The following FARP1 variants were observed in gnomAD, a reference collection of about 807,000 sequenced individuals.
FARP1 encodes FERM, ARH/RhoGEF and pleckstrin domain protein 1.
A neutral mutation model predicts 128.8 loss-of-function variants in FARP1; 52 were observed. That is an observed-to-expected ratio of 0.40 (90% CI 0.32 to 0.51). The LOEUF is 0.51. Among genes scored for constraint, FARP1 ranks in the 20% least tolerant of loss-of-function variants. The pLI is 0.45. For synonymous variants in FARP1, 580 were observed against 551.8 expected (o/e 1.05, Z -0.72); for missense variants, 1,333 against 1,367.9 (o/e 0.97, Z 0.40).
chr13:98,414,040 C>T (rs951904826), intron 16 of FARP1, among the ~76,000 whole-genome samples: 1 of 152,290 alleles, frequency 6.6e-6, no homozygotes, highest in African/African-American at 2.4e-5. Context: ...TGGAGGGCGC[C>T]ACCAGAGAGA....
chr13:98,363,402 A>G (rs1288939878), intron 3 of FARP1, among the ~76,000 whole-genome samples: 2 of 152,176 alleles, frequency 1.3e-5, no homozygotes, highest in African/African-American at 4.8e-5. Context: ...GTGTTTTGAC[A>G]TCTTAAAAGA....
At chr13:98,305,228 A>T (rs1316855518) in intron 2 of FARP1, among the ~76,000 whole-genome samples, 3 of 151,910 alleles carry the variant, frequency 2.0e-5, no homozygotes, top group African/African-American at 7.2e-5. Context: ...AGAGGATGTG[A>T]TCCTAGTACT....
chr13:98,188,738 C>T (rs923214301), intron 1 of FARP1, among the ~76,000 whole-genome samples: 52 of 152,208 alleles, frequency 3.4e-4, no homozygotes, highest in African/African-American at 1.2e-3. Flanking sequence ...GTGTCCACAC[C>T]CCCTGCACTC....
intron 2 of FARP1, among the ~76,000 whole-genome samples, chr13:98,313,021 A>C (rs1282183304): frequency 1.3e-5 from 2 of 152,118 alleles, no homozygotes; most frequent in Non-Finnish European, 2.9e-5. Context: ...AGCCCTGTGA[A>C]TGTGACTTAA....
At chr13:98,319,146 G>T (rs574714035) in intron 2 of FARP1, among the ~76,000 whole-genome samples, 44 of 151,670 alleles carry the variant, frequency 2.9e-4, no homozygotes, top group African/African-American at 9.9e-4. Context: ...TTTATTTTTT[G>T]TAGAGATGGG....
intron 16 of FARP1, among the ~76,000 whole-genome samples, chr13:98,423,669 G>T (rs1418242386): frequency 2.6e-5 from 4 of 152,194 alleles, no homozygotes; most frequent in Non-Finnish European, 5.9e-5. Context: ...TATCAGAGAA[G>T]TTCGTGGTTT....
At chr13:98,208,011 C>T (rs1006147046) in intron 1 of FARP1, among the ~76,000 whole-genome samples, 4 of 145,868 alleles carry the variant, frequency 2.7e-5, no homozygotes, top group African/African-American at 5.1e-5. Context: ...TCTTCCACTT[C>T]GGTGAAGGGC....
intron 2 of FARP1, chr13:98,234,520 A>G (rs1485181476): frequency 6.6e-6 from 1 of 152,224 alleles, no homozygotes; most frequent in Non-Finnish European, 1.5e-5. Flanking sequence ...AACACCTGGA[A>G]AAAATTTCCA....
At chr13:98,288,476 G>T (rs1885299397) in intron 2 of FARP1, among the ~76,000 whole-genome samples, 1 of 152,138 alleles carries the variant, frequency 6.6e-6, no homozygotes, top group Non-Finnish European at 1.5e-5. Context: ...TACTTCCTTG[G>T]AGTCTTTCCT....
intron 2 of FARP1, among the ~76,000 whole-genome samples, chr13:98,226,023 C>T (rs1264692962): frequency 1.3e-5 from 2 of 152,118 alleles, no homozygotes; most frequent in Non-Finnish European, 2.9e-5. Flanking sequence ...CAGGCTAATC[C>T]ATTCCTTAAT....
At chr13:98,445,243 A>T (rs1892749890) in intron 24 of FARP1, 1 of 152,228 alleles carries the variant, frequency 6.6e-6, no homozygotes, top group Admixed American at 6.5e-5. Context: ...TGGCCAACTT[A>T]ACGATTTTTA....
intron 6 of FARP1, among the ~76,000 whole-genome samples, chr13:98,383,350 G>A (rs150119292): frequency 6.6e-6 from 1 of 152,198 alleles, no homozygotes; most frequent in Non-Finnish European, 1.5e-5. Context: ...TCCAGAAAAG[G>A]CAATTAGGAA....
At chr13:98,268,778 TTG>T (rs59132299) in intron 2 of FARP1, among the ~76,000 whole-genome samples, 4,017 of 148,216 alleles carry the variant, frequency 0.027, 60 homozygotes, top group Middle Eastern at 0.056. Flanking sequence ...TTTCCCTTCT[TTG>T]TGTGTGTGTG....
intron 1 of FARP1, among the ~76,000 whole-genome samples, chr13:98,160,635 A>G (rs1876813846): frequency 6.6e-6 from 1 of 152,058 alleles, no homozygotes; most frequent in Non-Finnish European, 1.5e-5. Flanking sequence ...TGCTTTTGTC[A>G]TATTTGCCTT....
chr13:98,260,217 A>G (rs1883810332), intron 2 of FARP1, among the ~76,000 whole-genome samples: 1 of 152,176 alleles, frequency 6.6e-6, no homozygotes, highest in Non-Finnish European at 1.5e-5. Context: ...AATTCTAGGT[A>G]GGTGCTGCAC....
At chr13:98,389,043 T>C (rs1035287644) in intron 9 of FARP1, among the ~76,000 whole-genome samples, 3 of 152,240 alleles carry the variant, frequency 2.0e-5, no homozygotes, top group African/African-American at 7.2e-5. Flanking sequence ...AGGTGGGTGA[T>C]GTGTCCTGGG....
At chr13:98,236,043 C>T (rs1396329037) in intron 2 of FARP1, among the ~76,000 whole-genome samples, 2 of 152,132 alleles carry the variant, frequency 1.3e-5, no homozygotes, top group Non-Finnish European at 2.9e-5. Flanking sequence ...AGGCTGGTCT[C>T]GAACTCCCGA....
intron 26 of FARP1, chr13:98,448,008 T>A (rs4772081): frequency 3.5e-6 from 2 of 570,760 alleles, no homozygotes; most frequent in Non-Finnish European, 3.1e-6. Context: ...GCAGTGTCAC[T>A]GCAGCAAGGT....
rs914359731 is a variant in FARP1 at position 98,168,033 on chromosome 13, G to A, written c.-24+24541G>A. Among the ~76,000 whole-genome samples the A allele has an allele frequency of 9.2e-5, 14 of 152,152 alleles. No homozygotes were observed. In the South Asian group the frequency reaches 2.7e-3, roughly 29 times the overall value. On this transcript the variant is annotated intron_variant, in intron 1 of 26. Transcript: ENST00000319562. ...TAAAAATAGAAAAAATTAGCCAGGCGTGGTGGCGGGTGCCTGTAGTCCCAG... is the reference window on the plus strand; with the variant it reads ...TAAAAATAGAAAAAATTAGCCAGGCATGGTGGCGGGTGCCTGTAGTCCCAG...
Sources: gnomAD v4.1 joint callset for allele counts (sites outside exome capture counted in the v4.1 genomes callset) on GRCh38, gnomAD v4.1.1 for gene constraint, MANE v1.5 for transcripts, NCBI Gene and HGNC (gene_info 2026-07-23, HGNC 2026-07-21) for gene names.